Variants in DDR2 observed in about 807,000 individuals in gnomAD.
DDR2 encodes discoidin domain-containing receptor 2.
In DDR2, 27 loss-of-function variants were observed where a neutral mutation model predicts 94.9. The observed-to-expected ratio is 0.28, with a 90% CI of 0.21 to 0.39. DDR2 has a LOEUF of 0.39. Among genes scored for constraint, DDR2 ranks in the 10% least tolerant of loss-of-function variants. DDR2 has a pLI of 1.00. For synonymous variants in DDR2, 382 were observed against 377.2 expected (o/e 1.01, Z -0.15); for missense variants, 783 against 1,076.0 (o/e 0.73, Z 3.81).
At chr1:162,699,656 A>C (rs1434870667) in intron 2 of DDR2, among the ~76,000 whole-genome samples, 2 of 152,262 alleles carry the variant, frequency 1.3e-5, no homozygotes, top group Non-Finnish European at 2.9e-5. Flanking sequence ...ACATGAAAAA[A>C]TAAAAGCAAA....
chr1:162,633,978 C>G (rs993412915), intron 1 of DDR2, among the ~76,000 whole-genome samples: 1 of 152,180 alleles, frequency 6.6e-6, no homozygotes, highest in South Asian at 2.1e-4. Context: ...GGAAAGGTAG[C>G]TAATACATTT....
rs1032713440 is a variant in DDR2 at position 162,784,828 on chromosome 1, C to T, written c.*4582C>T. On this transcript the variant is annotated 3_prime_UTR_variant, in exon 18 of 18. Transcript: ENST00000367921. ...TATAACATTTCACTTAGTCCATTTT[C>T]GGAACCAGAAAATTAACATTGGCAT... 3 of 152,162 alleles carry T rather than the reference C, an allele frequency of 2.0e-5. No homozygotes were observed. The highest frequency in any genetic ancestry group is 1.9e-4 in the East Asian group (1 of 5,202). 9.4% of individuals were successfully genotyped at this position (152,162 alleles called of 1,614,324 possible).
At chr1:162,740,155 C>G (rs1223316842) in intron 3 of DDR2, among the ~76,000 whole-genome samples, 3 of 152,014 alleles carry the variant, frequency 2.0e-5, no homozygotes, top group Non-Finnish European at 2.9e-5. Flanking sequence ...GCTTTATTCC[C>G]CTCAAAATTT....
At chr1:162,759,219 T>G (rs897385400) in intron 7 of DDR2, among the ~76,000 whole-genome samples, 1 of 152,142 alleles carries the variant, frequency 6.6e-6, no homozygotes, top group African/African-American at 2.4e-5. Context: ...TAGTTTAATA[T>G]CAAACTGGGT....
intron 1 of DDR2, among the ~76,000 whole-genome samples, chr1:162,633,381 G>A (rs1465670477): frequency 6.6e-6 from 1 of 152,138 alleles, no homozygotes; most frequent in Non-Finnish European, 1.5e-5. Context: ...AGCCATTTGA[G>A]GCAAGAGTTC....
At chr1:162,694,382 G>A (rs546133307) in intron 2 of DDR2, among the ~76,000 whole-genome samples, 3 of 152,286 alleles carry the variant, frequency 2.0e-5, no homozygotes. Flanking sequence ...TCTGAGGAAA[G>A]GCCCTTTAGT....
Position 162,741,770 on chromosome 1 carries a change from C to T in DDR2, c.83-11325C>T, listed in dbSNP as rs371742462. ...CTTGGGTCCTAAATGCCAATGTGAG[C>T]GTTCTGATAAACTGACCTGGGCATG... On this transcript the variant is annotated intron_variant, in intron 3 of 17. Coordinates refer to ENST00000367921, the MANE Select transcript of DDR2 (RefSeq NM_006182.4). 254 of 985,176 alleles carry T rather than the reference C, an allele frequency of 2.6e-4. 1 individual carries two copies. In the South Asian group the frequency reaches 8.5e-3, roughly 33 times the overall value. The allele number at this position is 985,176 out of a possible 1,614,324, so 61.0% of individuals were successfully genotyped here.
chr1:162,730,711 C>T (rs563408635), intron 3 of DDR2, among the ~76,000 whole-genome samples: 18 of 152,286 alleles, frequency 1.2e-4, no homozygotes, highest in African/African-American at 4.3e-4. Flanking sequence ...AAAACTCCCA[C>T]GTGCTCTCTT....
intron 2 of DDR2, among the ~76,000 whole-genome samples, chr1:162,699,794 A>G (rs2101992244): frequency 6.6e-6 from 1 of 152,324 alleles, no homozygotes; most frequent in East Asian, 1.9e-4. Flanking sequence ...TTTAGTTTTA[A>G]AACACACAGA....
At chr1:162,752,295 A>T (rs1199854975) in intron 3 of DDR2, among the ~76,000 whole-genome samples, 1 of 152,192 alleles carries the variant, frequency 6.6e-6, no homozygotes, top group Non-Finnish European at 1.5e-5. Flanking sequence ...TCCTCAACTC[A>T]GGAAATTCTC....
intron 3 of DDR2, among the ~76,000 whole-genome samples, chr1:162,729,896 A>G (rs1345569071): frequency 6.6e-6 from 1 of 151,836 alleles, no homozygotes; most frequent in Non-Finnish European, 1.5e-5. Context: ...GGCATGCACC[A>G]CCACGCCTGG....
chr1:162,739,323 C>T (rs1291885005), intron 3 of DDR2, among the ~76,000 whole-genome samples: 2 of 151,280 alleles, frequency 1.3e-5, no homozygotes, highest in Non-Finnish European at 3.0e-5. Context: ...CTTCTCGTTT[C>T]TTTTTTTTTG....
intron 3 of DDR2, among the ~76,000 whole-genome samples, chr1:162,727,072 TATA>T (rs954759475): frequency 9.0e-5 from 13 of 144,642 alleles, no homozygotes; most frequent in South Asian, 2.1e-4. Flanking sequence ...TTATAAATAT[TATA>T]ATATTTAATA....
At chr1:162,646,041 A>C (rs941311529) in intron 1 of DDR2, among the ~76,000 whole-genome samples, 3 of 152,234 alleles carry the variant, frequency 2.0e-5, no homozygotes, top group African/African-American at 7.2e-5. Flanking sequence ...GAACTGCCTC[A>C]TGCCATGCAA....
At position 162,753,120 on chromosome 1, in the gene DDR2, G is replaced by T; in HGVS notation, c.108G>T (p.Met36Ile). The change falls in exon 4 of 18, where the codon ATG (methionine) becomes ATT (isoleucine). Residue 36 changes from methionine (M) to isoleucine (I), a missense_variant. Physicochemically the swap from Met to Ile is conservative, Grantham distance 10. Transcript: ENST00000367921. ...NPAICRYPLG[M>I]SGGQIPDEDI... ...CTATATGCCGCTATCCTCTGGGCAT[G>T]TCAGGAGGCCAGATTCCAGATGAGG... 2 of 1,613,724 alleles carry T rather than the reference G, an allele frequency of 1.2e-6. No individual in the cohort carries two copies. Among genetic ancestry groups the T allele is most frequent in the Non-Finnish European group, 1.7e-6 (2 of 1,179,740 alleles).
chr1:162,756,927 G>A (rs1473493574), intron 7 of DDR2, among the ~76,000 whole-genome samples: 1 of 152,202 alleles, frequency 6.6e-6, no homozygotes, highest in Non-Finnish European at 1.5e-5. Flanking sequence ...TTAATCAACT[G>A]TTACTATATA....
chr1:162,655,446 C>T (rs915587651), intron 2 of DDR2, 72 bp downstream of exon 2: 12 of 152,212 alleles, frequency 7.9e-5, no homozygotes, highest in African/African-American at 2.9e-4. Flanking sequence ...ATTGAATCCC[C>T]CCACTTATCC....
intron 2 of DDR2, among the ~76,000 whole-genome samples, chr1:162,697,001 C>T (rs1182035213): frequency 6.6e-6 from 1 of 152,008 alleles, no homozygotes. Context: ...CCGTGGGCCT[C>T]CATGCCTCTT....
chr1:162,737,986 C>G (rs1444668733), intron 3 of DDR2, among the ~76,000 whole-genome samples: 7 of 152,004 alleles, frequency 4.6e-5, no homozygotes, highest in Non-Finnish European at 8.8e-5. Flanking sequence ...CATGACAAAC[C>G]CACAGCCAAT....
Sources: allele counts gnomAD v4.1 joint callset (sites outside exome capture counted in the v4.1 genomes callset), GRCh38; gene constraint gnomAD v4.1.1; transcripts MANE v1.5; gene names NCBI Gene and HGNC (gene_info 2026-07-23, HGNC 2026-07-21).